The following LHX5 variants were observed in gnomAD, a reference collection of about 807,000 sequenced individuals.
LHX5 encodes LIM homeobox 5.
In LHX5, 5 loss-of-function variants were observed where a neutral mutation model predicts 30.6. The ratio of observed to expected loss-of-function variants is 0.16; its 90% CI spans 0.09 to 0.34. The LOEUF (loss-of-function observed/expected upper bound fraction) is 0.34, where lower values mean the gene tolerates loss of function less well. Among genes scored for constraint, LHX5 ranks in the 10% least tolerant of loss-of-function variants. The pLI is 1.00. For synonymous variants in LHX5, 266 were observed against 252.6 expected, an observed-to-expected ratio of 1.05 and a Z score of -0.50; for missense variants, 458 against 570.6, an observed-to-expected ratio of 0.80 and a Z score of 2.01.
Position 113,462,921 on chromosome 12 carries a change from T to C in LHX5, c.*269A>G. ...CGAAATCTCTTGACCCTCCGGAGTA[T>C]TGACTTTGGTCCCAAGAAATTGCTC... On this transcript the variant is annotated 3_prime_UTR_variant, in exon 5 of 5. Transcript: ENST00000261731. 1 of 378,490 alleles carries C rather than the reference T, an allele frequency of 2.6e-6. No individual in the cohort carries two copies. Among genetic ancestry groups the C allele is most frequent in the Non-Finnish European group, 4.8e-6 (1 of 209,482 alleles). The allele number at this position is 378,490 out of a possible 1,614,324, so 23.4% of individuals were successfully genotyped here. A position where few individuals can be genotyped will look rare whatever the true frequency, so the allele number is the denominator to read the frequency against.
chr12:113,471,175 G>A, intron 1 of LHX5, 151 bp downstream of exon 1: 1 of 789,526 alleles, frequency 1.3e-6, no homozygotes, highest in Non-Finnish European at 2.0e-6. Context: ...CCTGGACCAA[G>A]GACAGGAGGA....
intron 1 of LHX5, among the ~76,000 whole-genome samples, chr12:113,470,768 C>T (rs983438674): frequency 6.6e-6 from 1 of 152,112 alleles, no homozygotes; most frequent in Non-Finnish European, 1.5e-5. Context: ...GCCTCGATTT[C>T]GTTTCTACTT....
intron 2 of LHX5, 124 bp from the exon 3 acceptor site, chr12:113,468,528 G>T (rs1029677656): frequency 1.5e-5 from 18 of 1,236,826 alleles, no homozygotes; most frequent in Non-Finnish European, 1.8e-5. Context: ...AGCCCCGCTG[G>T]ATTCCCTCCC....
Position 113,465,710 on chromosome 12 carries a change from G to T in LHX5, c.841+1546C>A, listed in dbSNP as rs1958210740. 6.6e-6 allele frequency among the ~76,000 whole-genome samples: 1 copy of T among 152,230 alleles called. No individual in the cohort carries two copies. The highest frequency in any genetic ancestry group is 2.1e-4 in the South Asian group (1 of 4,838). On this transcript the variant is annotated intron_variant, in intron 4 of 4. Transcript: ENST00000261731. The surrounding 1 kb of genome is among the most constrained non-coding windows in gnomAD (Gnocchi z 6.7). The stretch of plus-strand genomic sequence containing the variant: ...AACCTTGGTTAATTATCCAGGCGGG[G>T]AAAAATTCCGGGCCGGTACCGCCCC...
Position 113,467,269 on chromosome 12 carries a change from G to A in LHX5, c.828C>T (p.Tyr276=). 1 of 1,498,152 alleles carries A rather than the reference G, an allele frequency of 6.7e-7. No homozygotes were observed. Among genetic ancestry groups the A allele is most frequent in the South Asian group, 1.3e-5 (1 of 78,646 alleles). The allele number at this position is 1,498,152 out of a possible 1,614,324, so 92.8% of individuals were successfully genotyped here. ...DESEMLGSTP[Y]TYYGDYQGDY... ...GGCGCCCCTTACCTCCGTAGTAGGT[G>A]TACGGGGTGGACCCCAACATCTCAG... is the stretch of plus-strand genomic sequence containing the variant. The change falls in exon 4 of 5, where the codon TAC becomes TAT. Residue 276 remains tyrosine, a synonymous_variant. Transcript: ENST00000261731. The surrounding 1 kb of genome is among the most constrained non-coding windows in gnomAD (Gnocchi z 6.3).
Position 113,468,359 on chromosome 12 carries a change from G to A in LHX5, c.443C>T (p.Ala148Val), listed in dbSNP as rs1423979275. Residue 148 changes from alanine to valine, a missense_variant, in exon 3 of 5, where the codon GCA becomes GTA. Transcript: ENST00000261731. Reference protein sequence around the residue: ...DRSLSPDLQDALQDDPKETDN... With the variant: ...DRSLSPDLQDVLQDDPKETDN... ...CGTCTCTTTGGGGTCGTCCTGCAGTGCGTCCTGGAGGTCCGGGGACAAACT... is the reference window on the plus strand; with the variant it reads ...CGTCTCTTTGGGGTCGTCCTGCAGTACGTCCTGGAGGTCCGGGGACAAACT... The A allele has an allele frequency of 6.2e-7, 1 of 1,614,112 alleles. No homozygotes were observed. Among genetic ancestry groups the A allele is most frequent in the Admixed American group, 1.7e-5 (1 of 60,034 alleles).
chr12:113,463,622 G>A lies in LHX5; in HGVS notation c.842-65C>T, dbSNP rs1222471528. On this transcript the variant is annotated intron_variant, in intron 4 of 4. Coordinates refer to ENST00000261731, the MANE Select transcript of LHX5 (RefSeq NM_022363.3). The surrounding 1 kb of genome is among the most constrained non-coding windows in gnomAD (Gnocchi z 6.7). Reference sequence around the variant, plus strand: ...AGAAGGCGAAGTAGGCGGGGGACCCGGGACCCGGGGAGGGGACCCGGGCGG... The same window carrying A: ...AGAAGGCGAAGTAGGCGGGGGACCCAGGACCCGGGGAGGGGACCCGGGCGG... 2 of 1,448,876 alleles carry A rather than the reference G, an allele frequency of 1.4e-6. No individual in the cohort carries two copies. The highest frequency in any genetic ancestry group is 2.9e-5 in the African/African-American group (2 of 68,816). 89.8% of individuals were successfully genotyped at this position (1,448,876 alleles called of 1,614,324 possible). A position where few individuals can be genotyped will look rare whatever the true frequency, so the allele number is the denominator to read the frequency against.
At chr12:113,471,106 G>C (rs1474036806) in intron 1 of LHX5, among the ~76,000 whole-genome samples, 2 of 152,238 alleles carry the variant, frequency 1.3e-5, no homozygotes, top group African/African-American at 4.8e-5. Flanking sequence ...AGCCGGCCTC[G>C]AGCCAACGTG....
Position 113,471,648 on chromosome 12 carries a change from T to C in LHX5, c.-150A>G. 1.3e-6 allele frequency: 1 copy of C among 755,660 alleles called. No individual in the cohort carries two copies. Among genetic ancestry groups the C allele is most frequent in the Non-Finnish European group, 2.1e-6 (1 of 486,758 alleles). 46.8% of individuals were successfully genotyped at this position (755,660 alleles called of 1,614,324 possible). On this transcript the variant is annotated 5_prime_UTR_variant, in exon 1 of 5. Coordinates refer to ENST00000261731, the MANE Select transcript of LHX5 (RefSeq NM_022363.3). ...ACCAAGACTCAGCCGGTCCAGTCCT[T>C]GGGCAATCTCTGGCCTGGCGCTGGG... is the stretch of plus-strand genomic sequence containing the variant.
At chr12:113,468,042 C>T in intron 3 of LHX5, 85 bp downstream of exon 3, 5 of 1,440,046 alleles carry the variant, frequency 3.5e-6, no homozygotes, top group Non-Finnish European at 4.5e-6. Flanking sequence ...CGCTCGTAGC[C>T]AAGGAAGCTT....
Position 113,463,478 on chromosome 12 carries a change from CG to C in LHX5, c.920del (p.Pro307ArgfsTer38). On this transcript the variant is annotated frameshift_variant, in exon 5 of 5. Coordinates refer to ENST00000261731, the MANE Select transcript of LHX5 (RefSeq NM_022363.3). LOFTEE classifies it low-confidence loss of function (END_TRUNC). The surrounding 1 kb of genome is among the most constrained non-coding windows in gnomAD (Gnocchi z 6.7). ...AHGPPSQAQS[P>X]ADSSFLAASG... is the part of the protein sequence containing the mutation. ...AGGCCGCCAGGAAGCTGGAGTCGGC[CG>C]GGGACTGCGCCTGCGAAGGCGGGCC... 1 of 1,566,438 alleles carries C rather than the reference CG, an allele frequency of 6.4e-7. No homozygotes were observed. The highest frequency in any genetic ancestry group is 2.4e-5 in the East Asian group (1 of 42,512).
intron 2 of LHX5, 69 bp from the exon 3 acceptor site, chr12:113,468,473 G>A (rs1958228068): frequency 1.0e-5 from 15 of 1,496,456 alleles, no homozygotes; most frequent in African/African-American, 1.4e-5. Flanking sequence ...CAGTCCAGTG[G>A]CGGGTTCCCG....
At chr12:113,470,135 TTTTC>T (rs1958239451) in intron 1 of LHX5, among the ~76,000 whole-genome samples, 1 of 152,194 alleles carries the variant, frequency 6.6e-6, no homozygotes, top group Admixed American at 6.5e-5. Context: ...ATCTCATTCC[TTTTC>T]TTTCTTCTTT....
rs1220969260 is a variant in LHX5 at position 113,469,278 on chromosome 12, G to C, written c.241C>G (p.Arg81Gly). ...CAGTTGAGGTGAAAGACTTTGCTCC[G>C]GGCCTTGCGCACCAGGTCGCTGGGC... Reference protein sequence around the residue: ...ISPSDLVRKARSKVFHLNCFT... With the variant: ...ISPSDLVRKAGSKVFHLNCFT... Residue 81 changes from arginine to glycine, a missense_variant, in exon 2 of 5, where the codon CGG (arginine) becomes GGG (glycine). By Grantham distance (125) the Arg-to-Gly change is moderately radical (BLOSUM62 -2). Around this residue, in one of 3 missense-constraint regions of LHX5, gnomAD observed 178 missense variants for 238.5 expected, o/e 0.75. Coordinates refer to ENST00000261731, the MANE Select transcript of LHX5 (RefSeq NM_022363.3). The C allele has an allele frequency of 6.2e-7, 1 of 1,614,198 alleles. No homozygotes were observed. The highest frequency in any genetic ancestry group is 8.5e-7 in the Non-Finnish European group (1 of 1,180,050).
Position 113,463,242 on chromosome 12 carries a change from C to T in LHX5, c.1157G>A (p.Ser386Asn). 6.5e-7 allele frequency: 1 copy of T among 1,526,926 alleles called. No homozygotes were observed. Among genetic ancestry groups the T allele is most frequent in the South Asian group, 1.2e-5 (1 of 83,446 alleles). 94.6% of individuals were successfully genotyped at this position (1,526,926 alleles called of 1,614,324 possible). A position where few individuals can be genotyped will look rare whatever the true frequency, so the allele number is the denominator to read the frequency against. Reference protein sequence around the residue: ...PFPMSGTSGYSGPLSHPNPEL... With the variant: ...PFPMSGTSGYNGPLSHPNPEL... ...GGGGTTGGGATGCGACAGGGGTCCG[C>T]TGTAGCCGCTGGTGCCGCTCATTGG... The change falls in exon 5 of 5, where the codon AGC becomes AAC. Residue 386 changes from serine to asparagine, a missense_variant. Ser to Asn is a conservative substitution (Grantham distance 46). Coordinates refer to ENST00000261731, the MANE Select transcript of LHX5 (RefSeq NM_022363.3). The surrounding 1 kb of genome is among the most constrained non-coding windows in gnomAD (Gnocchi z 6.7).
chr12:113,471,618 T>A lies in LHX5; in HGVS notation c.-120A>T. 3 of 998,730 alleles carry A rather than the reference T, an allele frequency of 3.0e-6. No individual in the cohort carries two copies. In the South Asian group the frequency reaches 5.0e-5, roughly 17 times the overall value. 61.9% of individuals were successfully genotyped at this position (998,730 alleles called of 1,614,324 possible). A position where few individuals can be genotyped will look rare whatever the true frequency, so the allele number is the denominator to read the frequency against. ...CTCAGCAGCTGCAGGGCGAGTCTGGTCCGGACCAAGACTCAGCCGGTCCAG... is the reference window on the plus strand; with the variant it reads ...CTCAGCAGCTGCAGGGCGAGTCTGGACCGGACCAAGACTCAGCCGGTCCAG... On this transcript the variant is annotated 5_prime_UTR_variant, in exon 1 of 5. Transcript: ENST00000261731.
Position 113,465,167 on chromosome 12 carries a change from G to A in LHX5, c.842-1610C>T, listed in dbSNP as rs1958204896. Among the ~76,000 whole-genome samples the A allele has an allele frequency of 1.3e-5, 2 of 152,224 alleles. No individual in the cohort carries two copies. Among genetic ancestry groups the A allele is most frequent in the Non-Finnish European group, 2.9e-5 (2 of 68,038 alleles). ...GGGGTGTCTGGAGGCGTGGCTTGGAGGCAGTTTAAGCAACAGCTAAAACGG... is the reference window on the plus strand; with the variant it reads ...GGGGTGTCTGGAGGCGTGGCTTGGAAGCAGTTTAAGCAACAGCTAAAACGG... On this transcript the variant is annotated intron_variant, in intron 4 of 4. Coordinates refer to ENST00000261731, the MANE Select transcript of LHX5 (RefSeq NM_022363.3). This position sits in a 1 kb window ranked among gnomAD's most constrained non-coding sequence, Gnocchi z 6.7.
At chr12:113,470,702 AG>A (rs891508170) in intron 1 of LHX5, among the ~76,000 whole-genome samples, 23 of 152,094 alleles carry the variant, frequency 1.5e-4, no homozygotes, top group African/African-American at 5.1e-4. Context: ...CCACAGGGGT[AG>A]GGGGGCTGGG....
Position 113,469,327 on chromosome 12 carries a change from G to A in LHX5, c.192C>T (p.Cys64=), listed in dbSNP as rs746438304. Residue 64 remains cysteine (C), a synonymous_variant, in exon 2 of 5, where the codon TGC becomes TGT. Transcript: ENST00000261731. ...NDFFRRFGTK[C]AGCAQGISPS... ...GCGAGATGCCTTGCGCGCAGCCGGC[G>A]CATTTCGTGCCAAAGCGCCTGTGGA... The A allele has an allele frequency of 3.7e-6, 6 of 1,613,044 alleles. No homozygotes were observed. Among genetic ancestry groups the A allele is most frequent in the South Asian group, 1.1e-5 (1 of 91,036 alleles).
Sources: allele counts gnomAD v4.1 joint callset (sites outside exome capture counted in the v4.1 genomes callset), GRCh38; gene constraint gnomAD v4.1.1; regional missense constraint gnomAD v4.1.1; non-coding constraint Gnocchi (gnomAD v3.1); transcripts MANE v1.5; gene names NCBI Gene and HGNC (gene_info 2026-07-23, HGNC 2026-07-21).